Variants in PCDHA8 observed in about 807,000 individuals in gnomAD.
PCDHA8 encodes the protein protocadherin alpha-8.
A neutral mutation model predicts 61.8 loss-of-function variants in PCDHA8; 53 were observed. The ratio of observed to expected loss-of-function variants is 0.86; its 90% CI spans 0.69 to 1.08. PCDHA8 has a LOEUF of 1.08. PCDHA8 is among the 50% of genes least tolerant of loss of function. The pLI is 0.00. For synonymous variants in PCDHA8, 618 were observed against 556.6 expected (o/e 1.11, Z -1.55); for missense variants, 1,293 against 1,245.0 (o/e 1.04, Z -0.58).
At position 140,856,186 on chromosome 5, in the gene PCDHA8, C is replaced by G. The variant is rs1451778566; in HGVS notation, c.2394+12471C>G. 97 of 1,598,138 alleles carry G rather than the reference C, an allele frequency of 6.1e-5. 9 individuals carry two copies. The highest frequency in any genetic ancestry group is 8.0e-5 in the Non-Finnish European group (94 of 1,167,930). Reference sequence around the variant, plus strand: ...CCAGACACGGCACCTTCGTGGGCCGCATCGCGCAGGACCTGGGGCTGGAGC... The same window carrying G: ...CCAGACACGGCACCTTCGTGGGCCGGATCGCGCAGGACCTGGGGCTGGAGC... On this transcript the variant is annotated intron_variant, in intron 1 of 3. Transcript: ENST00000531613.
chr5:140,857,659 C>T, intron 1 of PCDHA8: 1 of 1,596,596 alleles, frequency 6.3e-7, no homozygotes, highest in South Asian at 1.1e-5. Context: ...TGAGCGCGCG[C>T]GATGGGGGCG....
intron 1 of PCDHA8, among the ~76,000 whole-genome samples, chr5:140,844,102 T>C (rs1273394917): frequency 6.7e-6 from 1 of 149,766 alleles, no homozygotes; most frequent in Non-Finnish European, 1.5e-5. Context: ...TCTTACTCCA[T>C]ATGCTGTACT....
intron 1 of PCDHA8, among the ~76,000 whole-genome samples, chr5:140,940,317 A>G (rs782009825): frequency 1.5e-4 from 23 of 152,024 alleles, no homozygotes; most frequent in Non-Finnish European, 2.2e-4. Context: ...CTTTCTTCCA[A>G]TTTTACTAAT....
At chr5:140,991,071 T>A (rs2097430480) in intron 3 of PCDHA8, among the ~76,000 whole-genome samples, 1 of 152,152 alleles carries the variant, frequency 6.6e-6, no homozygotes, top group African/African-American at 2.4e-5. Flanking sequence ...ATTCCCATGT[T>A]TCAGATAAAA....
At chr5:140,853,303 A>G in intron 1 of PCDHA8, 1 of 982,870 alleles carries the variant, frequency 1.0e-6, no homozygotes, top group Non-Finnish European at 1.2e-6. Flanking sequence ...AAGGGCTGTG[A>G]ACACCTTAGT....
chr5:141,009,606 T>C (rs2098413036), intron 3 of PCDHA8, 21 bp from the exon 4 acceptor site: 1 of 1,609,858 alleles, frequency 6.2e-7, no homozygotes, highest in Non-Finnish European at 8.5e-7. Flanking sequence ...TGTTAATGAT[T>C]TGTAATGTTT....
At chr5:140,901,235 T>A (rs1554189665) in intron 1 of PCDHA8, among the ~76,000 whole-genome samples, 1 of 152,174 alleles carries the variant, frequency 6.6e-6, no homozygotes, top group African/African-American at 2.4e-5. Context: ...TATATCCATT[T>A]TTTTCCTTTG....
chr5:140,862,863 G>A (rs782640328), intron 1 of PCDHA8: 1 of 507,610 alleles, frequency 2.0e-6, no homozygotes, highest in South Asian at 1.4e-5. Flanking sequence ...GCAATGTGAC[G>A]CTGCCAGGTA....
At chr5:140,931,444 A>T (rs2087532526) in intron 1 of PCDHA8, among the ~76,000 whole-genome samples, 1 of 135,860 alleles carries the variant, frequency 7.4e-6, no homozygotes, top group Non-Finnish European at 1.6e-5. Context: ...TTAGCTATTT[A>T]AAAGGAAAAA....
At chr5:140,928,958 C>T in intron 1 of PCDHA8, 1 of 1,613,930 alleles carries the variant, frequency 6.2e-7, no homozygotes, top group South Asian at 1.1e-5. Flanking sequence ...ATTGCCTTGG[C>T]TTGTATTTCC....
intron 1 of PCDHA8, 79 bp downstream of exon 1, chr5:140,843,794 T>G: frequency 7.3e-7 from 1 of 1,365,430 alleles, no homozygotes; most frequent in East Asian, 2.3e-5. Flanking sequence ...CAGATTTAGT[T>G]TTTCACCGTA....
At chr5:140,964,634 T>C (rs2095845045) in intron 1 of PCDHA8, among the ~76,000 whole-genome samples, 1 of 151,918 alleles carries the variant, frequency 6.6e-6, no homozygotes, top group Non-Finnish European at 1.5e-5. Flanking sequence ...AGCCATTTAT[T>C]TTCAGAAACA....
At chr5:140,882,327 T>C in intron 1 of PCDHA8, 1 of 1,614,172 alleles carries the variant, frequency 6.2e-7, no homozygotes, top group Non-Finnish European at 8.5e-7. Flanking sequence ...TGGCTTCTGA[T>C]CCTCGCAGCC....
chr5:140,870,386 A>G (rs1209102528), intron 1 of PCDHA8: 1 of 1,614,082 alleles, frequency 6.2e-7, no homozygotes, highest in Middle Eastern at 1.6e-4. Flanking sequence ...ACTGCGCGGG[A>G]TGGGGGTTCG....
chr5:140,919,666 A>G (rs1247598579), intron 1 of PCDHA8, among the ~76,000 whole-genome samples: 1 of 152,154 alleles, frequency 6.6e-6, no homozygotes. Context: ...TATATATTTT[A>G]GCTTATTGGT....
At chr5:140,897,993 A>G (rs2066447415) in intron 1 of PCDHA8, among the ~76,000 whole-genome samples, 1 of 152,184 alleles carries the variant, frequency 6.6e-6, no homozygotes, top group African/African-American at 2.4e-5. Flanking sequence ...TCTTCTTTTG[A>G]GAAGTGTCTG....
At chr5:140,984,980 C>T (rs1206801991) in intron 3 of PCDHA8, among the ~76,000 whole-genome samples, 1 of 152,092 alleles carries the variant, frequency 6.6e-6, no homozygotes, top group African/African-American at 2.4e-5. Context: ...CTCTGTCCCC[C>T]AGGCTGGAGT....
At chr5:140,875,991 T>C in intron 1 of PCDHA8, 2 of 1,613,966 alleles carry the variant, frequency 1.2e-6, no homozygotes, top group South Asian at 2.2e-5. Context: ...ATGCGTTAAG[T>C]CTAAATGAGA....
chr5:140,870,202 G>T, intron 1 of PCDHA8: 1 of 1,614,162 alleles, frequency 6.2e-7, no homozygotes, highest in Non-Finnish European at 8.5e-7. Flanking sequence ...GCCCAGCACG[G>T]TCATTGCCCT....
Sources: gnomAD v4.1 joint callset for allele counts (sites outside exome capture counted in the v4.1 genomes callset) on GRCh38, gnomAD v4.1.1 for gene constraint, MANE v1.5 for transcripts, NCBI Gene and HGNC (gene_info 2026-07-23, HGNC 2026-07-21) for gene names.